Variants in MYRFL observed in about 807,000 individuals in gnomAD.
MYRFL encodes the protein myelin regulatory factor like.
In MYRFL, 88 loss-of-function variants were observed where a neutral mutation model predicts 109.4. The observed-to-expected ratio is 0.80, with a 90% CI of 0.68 to 0.96. The LOEUF is 0.96. MYRFL is among the 40% of genes least tolerant of loss of function. The probability of loss-of-function intolerance (pLI) is 0.00; values close to 1 mark genes in which losing one functional copy is unlikely to be tolerated. For synonymous variants in MYRFL, 324 were observed against 320.9 expected (o/e 1.01, Z -0.10); for missense variants, 957 against 954.9 (o/e 1.00, Z -0.03).
intron 19 of MYRFL, among the ~76,000 whole-genome samples, chr12:69,944,970 CATT>C (rs1955786938): frequency 6.6e-6 from 1 of 150,460 alleles, no homozygotes; most frequent in Admixed American, 6.6e-5. Context: ...ATTCACTACT[CATT>C]AATACAAATT....
intron 2 of MYRFL, among the ~76,000 whole-genome samples, chr12:69,865,730 G>A (rs762217177): frequency 6.6e-6 from 1 of 152,030 alleles, no homozygotes; most frequent in Non-Finnish European, 1.5e-5. Context: ...GATAATAATG[G>A]TCCTTCCTAC....
intron 19 of MYRFL, among the ~76,000 whole-genome samples, chr12:69,950,048 T>G (rs547512301): frequency 6.6e-6 from 1 of 152,278 alleles, no homozygotes; most frequent in Admixed American, 6.5e-5. Context: ...AAAATATATG[T>G]CCCACAGAAT....
intron 16 of MYRFL, 111 bp from the exon 17 acceptor site, chr12:69,936,002 C>A: frequency 7.7e-7 from 1 of 1,298,522 alleles, no homozygotes; most frequent in Non-Finnish European, 1.0e-6. Context: ...CTGCTCCCAT[C>A]TGTGTGGCCT....
At chr12:69,886,191 C>T (rs1329770149) in intron 5 of MYRFL, among the ~76,000 whole-genome samples, 9 of 152,086 alleles carry the variant, frequency 5.9e-5, no homozygotes, top group East Asian at 3.9e-4. Flanking sequence ...CCTGTTAACG[C>T]GAGGGTTTAG....
intron 1 of MYRFL, among the ~76,000 whole-genome samples, chr12:69,852,579 A>ATTTTTTTTTTTTTT (rs61145700): frequency 1.8e-4 from 20 of 112,194 alleles, no homozygotes; most frequent in Non-Finnish European, 2.7e-4. Flanking sequence ...TTAATTTTTA[A>ATTTTTTTTTTTTTT]TTTTTTTTTT....
intron 2 of MYRFL, among the ~76,000 whole-genome samples, chr12:69,860,907 C>G (rs1378860111): frequency 8.0e-6 from 1 of 124,366 alleles, no homozygotes; most frequent in African/African-American, 3.0e-5. Flanking sequence ...CTCCCCCCAC[C>G]CCACAACAGT....
At chr12:69,935,190 G>GTT (rs59143591) in intron 16 of MYRFL, among the ~76,000 whole-genome samples, 1,866 of 151,044 alleles carry the variant, frequency 0.012, 47 homozygotes, top group African/African-American at 0.043. Flanking sequence ...ATATGGCACA[G>GTT]TTTTTTTTTG....
chr12:69,928,107 A>G (rs1955155032), intron 15 of MYRFL, among the ~76,000 whole-genome samples: 1 of 152,210 alleles, frequency 6.6e-6, no homozygotes, highest in South Asian at 2.1e-4. Flanking sequence ...AGGAGATCCC[A>G]AAGGGACTTT....
At chr12:69,841,314 A>G (rs1173216211) in intron 1 of MYRFL, among the ~76,000 whole-genome samples, 1 of 152,232 alleles carries the variant, frequency 6.6e-6, no homozygotes, top group African/African-American at 2.4e-5. Flanking sequence ...GGAATCACCT[A>G]GATTTCTTAC....
At chr12:69,874,754 C>T (rs1435344790) in intron 2 of MYRFL, among the ~76,000 whole-genome samples, 1 of 151,940 alleles carries the variant, frequency 6.6e-6, no homozygotes, top group African/African-American at 2.4e-5. Context: ...TTCTGTAGCA[C>T]TTTAAAGATG....
intron 19 of MYRFL, among the ~76,000 whole-genome samples, chr12:69,939,658 A>G (rs1458726405): frequency 5.3e-5 from 8 of 152,228 alleles, no homozygotes; most frequent in Non-Finnish European, 7.3e-5. Context: ...AAAGGAACAC[A>G]GTTCCTCACC....
chr12:69,881,636 A>G (rs1362699064), intron 5 of MYRFL, among the ~76,000 whole-genome samples: 1 of 152,196 alleles, frequency 6.6e-6, no homozygotes, highest in Non-Finnish European at 1.5e-5. Context: ...AGTCCCACCC[A>G]TCTCCTGGGA....
chr12:69,873,068 C>A (rs10879029), intron 2 of MYRFL, among the ~76,000 whole-genome samples: 2 of 152,120 alleles, frequency 1.3e-5, no homozygotes, highest in African/African-American at 4.8e-5. Context: ...AGTACCAAAC[C>A]CTATATATGC....
intron 1 of MYRFL, among the ~76,000 whole-genome samples, chr12:69,852,491 ATTTAT>A (rs1364014165): frequency 1.3e-5 from 2 of 149,496 alleles, no homozygotes; most frequent in East Asian, 3.9e-4. Flanking sequence ...CCAACTACCT[ATTTAT>A]TTATTTATTT....
At chr12:69,846,339 C>G (rs560500937) in intron 1 of MYRFL, among the ~76,000 whole-genome samples, 7 of 149,984 alleles carry the variant, frequency 4.7e-5, no homozygotes, top group African/African-American at 1.7e-4. Context: ...TCCCTCCCCC[C>G]TCACCCCACC....
intron 2 of MYRFL, among the ~76,000 whole-genome samples, chr12:69,862,472 G>GT (rs1194601808): frequency 6.6e-6 from 1 of 151,240 alleles, no homozygotes; most frequent in African/African-American, 2.4e-5. Context: ...CACATCCCTT[G>GT]TAAGTTGGAT....
rs1885907958 is a variant in MYRFL, at chr12:69,879,341, CA to C, written c.353del (p.His118ProfsTer24). ...GDSCQIHGGF[H>X]SCHSNASHLA... ...CTCCTGCCAAATCCACGGAGGCTTTCACAGCTGCCACTCAAACGCCAGTCAT... is the reference window on the plus strand; with the variant it reads ...CTCCTGCCAAATCCACGGAGGCTTTCCAGCTGCCACTCAAACGCCAGTCAT... On this transcript the variant is annotated frameshift_variant, in exon 4 of 25. Coordinates refer to ENST00000552032, the MANE Select transcript of MYRFL (RefSeq NM_182530.3). LOFTEE classifies it high-confidence loss of function. The C allele has an allele frequency of 1.4e-6, 1 of 702,884 alleles. No homozygotes were observed. Among genetic ancestry groups the C allele is most frequent in the East Asian group, 2.7e-5 (1 of 37,284 alleles). 43.5% of individuals were successfully genotyped at this position (702,884 alleles called of 1,614,324 possible). A position where few individuals can be genotyped will look rare whatever the true frequency, so the allele number is the denominator to read the frequency against.
chr12:69,833,828 C>CCT (rs1882778897), intron 1 of MYRFL, among the ~76,000 whole-genome samples: 2 of 113,912 alleles, frequency 1.8e-5, no homozygotes, highest in Non-Finnish European at 3.5e-5. Flanking sequence ...ATAGGGCTTG[C>CCT]TTTTTTTTTT....
chr12:69,825,286 GAATTTTTTTT>G lies in MYRFL; in HGVS notation c.-229_-220del. ...AATTTGCTACCTCTTCCCTCTTCAT[GAATTTTTTTT>G]AAATGTATGGTTGTATATCCTTCCA... is the stretch of plus-strand genomic sequence containing the variant. On this transcript the variant is annotated 5_prime_UTR_variant, in exon 1 of 25. The change abolishes the stop of an existing upstream ORF in the 5' untranslated region. Transcript: ENST00000552032. The G allele has an allele frequency of 1.5e-6, 1 of 674,828 alleles. No homozygotes were observed. Among genetic ancestry groups the G allele is most frequent in the Non-Finnish European group, 2.7e-6 (1 of 372,200 alleles). The allele number at this position is 674,828 out of a possible 1,614,324, so 41.8% of individuals were successfully genotyped here.
Sources: allele counts gnomAD v4.1 joint callset (sites outside exome capture counted in the v4.1 genomes callset), GRCh38; gene constraint gnomAD v4.1.1; transcripts MANE v1.5; gene names NCBI Gene and HGNC (gene_info 2026-07-23, HGNC 2026-07-21).